The following OSBP2 variants were observed in gnomAD, a reference collection of about 807,000 sequenced individuals.
OSBP2 encodes the protein oxysterol-binding protein 2.
OSBP2 carries 66 observed loss-of-function variants against 96.0 expected under a neutral mutation model. That is an observed-to-expected ratio of 0.69 (90% CI 0.56 to 0.84). The LOEUF is 0.84. Ranked by LOEUF, OSBP2 falls within the 40% of genes least tolerant of loss-of-function variation. The pLI, the probability that OSBP2 is intolerant of heterozygous loss-of-function variation, is 0.00. For synonymous variants in OSBP2, 525 were observed against 520.9 expected (o/e 1.01, Z -0.11); for missense variants, 1,038 against 1,222.7 (o/e 0.85, Z 2.25).
intron 8 of OSBP2, among the ~76,000 whole-genome samples, 166 bp downstream of exon 8, chr22:30,891,139 G>A (rs2039939267): frequency 1.3e-5 from 2 of 152,266 alleles, no homozygotes; most frequent in South Asian, 4.1e-4. Flanking sequence ...GCCTTCCATG[G>A]CAGGGGCAGG....
Position 30,870,465 on chromosome 22 carries a change from C to T in OSBP2, c.890C>T (p.Ala297Val). The stretch of plus-strand genomic sequence containing the variant: ...GACGACGACGAGGCTACCACCCCAG[C>T]CGACAAGAGCGAGCTGCACCACACC... ...SGDDDEATTP[A>V]DKSELHHTLK... The change falls in exon 3 of 14, where the codon GCC becomes GTC. Residue 297 changes from alanine to valine, a missense_variant. Around this residue, in one of 3 missense-constraint regions of OSBP2, gnomAD observed 737 missense variants for 913.3 expected, o/e 0.81. Coordinates refer to ENST00000332585, the MANE Select transcript of OSBP2 (RefSeq NM_030758.4). This position sits in a 1 kb window ranked among gnomAD's most constrained non-coding sequence, Gnocchi z 4.1. 6.2e-7 allele frequency: 1 copy of T among 1,614,066 alleles called. No individual in the cohort carries two copies. Among genetic ancestry groups the T allele is most frequent in the Non-Finnish European group, 8.5e-7 (1 of 1,180,026 alleles).
chr22:30,803,608 GC>G (rs2090886097), intron 2 of OSBP2, among the ~76,000 whole-genome samples: 1 of 152,244 alleles, frequency 6.6e-6, no homozygotes, highest in Admixed American at 6.5e-5. Flanking sequence ...GGGAAGGCAA[GC>G]TTCAGCCTTC....
intron 3 of OSBP2, among the ~76,000 whole-genome samples, chr22:30,876,126 C>T (rs2039573251): frequency 6.6e-6 from 1 of 152,216 alleles, no homozygotes; most frequent in South Asian, 2.1e-4. Flanking sequence ...CTACAGAGGG[C>T]CGAGGCAGCA....
chr22:30,793,359 C>T (rs1164359248), intron 2 of OSBP2, among the ~76,000 whole-genome samples: 1 of 152,046 alleles, frequency 6.6e-6, no homozygotes, highest in Non-Finnish European at 1.5e-5. Context: ...CACTGCACTC[C>T]AGCCTGGGAA....
intron 2 of OSBP2, among the ~76,000 whole-genome samples, chr22:30,804,565 G>A (rs1460457576): frequency 1.3e-5 from 2 of 152,186 alleles, no homozygotes; most frequent in African/African-American, 4.8e-5. Context: ...TGCCAAGAAT[G>A]TGTTAGCATT....
At chr22:30,737,271 G>C (rs5753300) in intron 1 of OSBP2, among the ~76,000 whole-genome samples, 110,918 of 150,196 alleles carry the variant, frequency 0.74, 41,745 homozygotes, top group African/African-American at 0.88. Flanking sequence ...CAGCCTCGGC[G>C]TCCCAAAGTG....
intron 2 of OSBP2, among the ~76,000 whole-genome samples, chr22:30,808,091 G>T (rs1400472204): frequency 6.6e-6 from 1 of 152,134 alleles, no homozygotes; most frequent in East Asian, 1.9e-4. Context: ...TGCCCAGCCA[G>T]CCAAATTTTA....
intron 12 of OSBP2, among the ~76,000 whole-genome samples, chr22:30,895,378 T>G (rs902499423): frequency 1.3e-5 from 2 of 151,656 alleles, no homozygotes; most frequent in Non-Finnish European, 2.9e-5. Flanking sequence ...AGACAAGAAA[T>G]AAAGAAAAAT....
At chr22:30,703,742 C>G (rs1402789809) in intron 1 of OSBP2, among the ~76,000 whole-genome samples, 1 of 152,170 alleles carries the variant, frequency 6.6e-6, no homozygotes, top group Non-Finnish European at 1.5e-5. Flanking sequence ...TCCCAAAGTG[C>G]TGGCATTACA....
intron 2 of OSBP2, among the ~76,000 whole-genome samples, chr22:30,787,112 C>G (rs1209591321): frequency 1.3e-5 from 2 of 152,106 alleles, no homozygotes; most frequent in Non-Finnish European, 2.9e-5. Flanking sequence ...AAGGTCTTAC[C>G]AGTCAGATTC....
At chr22:30,757,106 C>G (rs2090151106) in intron 2 of OSBP2, among the ~76,000 whole-genome samples, 1 of 152,134 alleles carries the variant, frequency 6.6e-6, no homozygotes, top group South Asian at 2.1e-4. Flanking sequence ...TGATCAGTAC[C>G]TGTCCCCTTT....
At chr22:30,726,360 A>G (rs1316546246) in intron 1 of OSBP2, among the ~76,000 whole-genome samples, 1 of 152,230 alleles carries the variant, frequency 6.6e-6, no homozygotes, top group Non-Finnish European at 1.5e-5. Context: ...GGAAGCTATC[A>G]TTCTCAGCAT....
At chr22:30,694,864 C>T (rs1323497388), upstream of OSBP2, 2 of 946,950 alleles carry the variant, frequency 2.1e-6, no homozygotes, top group East Asian at 3.7e-5. Flanking sequence ...CCGGCCTGCC[C>T]CCCGCCCCCA....
chr22:30,763,215 T>C (rs926424645), intron 2 of OSBP2, among the ~76,000 whole-genome samples: 9 of 152,350 alleles, frequency 5.9e-5, no homozygotes, highest in African/African-American at 1.7e-4. Context: ...ATAGTCACTT[T>C]CGCAGCTTTA....
rs2089004375 is a variant in OSBP2, at chr22:30,695,170, G to C, written c.261G>C (p.Thr87=). The change falls in exon 1 of 14, where the codon ACG becomes ACC. Residue 87 remains threonine, a synonymous_variant. Transcript: ENST00000332585. The stretch of plus-strand genomic sequence containing the variant: ...GATCGGAACCTGTGTCCGAGACGAC[G>C]TCTGAGCCGGAGCCAGGGGCTGGGC... ...VPRSEPVSET[T]SEPEPGAGQP... is the part of the protein sequence containing the mutation. 6.2e-7 allele frequency: 1 copy of C among 1,611,710 alleles called. No individual in the cohort carries two copies. The highest frequency in any genetic ancestry group is 8.5e-7 in the Non-Finnish European group (1 of 1,178,742).
At chr22:30,855,004 G>A (rs2039053008) in intron 2 of OSBP2, among the ~76,000 whole-genome samples, 3 of 152,128 alleles carry the variant, frequency 2.0e-5, no homozygotes, top group South Asian at 2.1e-4. Flanking sequence ...AGATCGCGTG[G>A]GAACTGTCAC....
intron 2 of OSBP2, among the ~76,000 whole-genome samples, chr22:30,859,518 G>A (rs1387453662): frequency 6.6e-6 from 1 of 152,250 alleles, no homozygotes; most frequent in Non-Finnish European, 1.5e-5. Flanking sequence ...CAGGCCGTGT[G>A]GCGAGCCCGT....
At chr22:30,754,298 G>A (rs1487531668) in intron 2 of OSBP2, among the ~76,000 whole-genome samples, 13 of 152,126 alleles carry the variant, frequency 8.5e-5, no homozygotes, top group South Asian at 6.2e-4. Flanking sequence ...AGAAAGCAAC[G>A]CAATCCTGCA....
At chr22:30,725,623 A>G (rs2089636367) in intron 1 of OSBP2, among the ~76,000 whole-genome samples, 1 of 151,542 alleles carries the variant, frequency 6.6e-6, no homozygotes, top group African/African-American at 2.4e-5. Context: ...AGGGCAAGTG[A>G]TTTGTCCTTT....
Sources: allele counts gnomAD v4.1 joint callset (sites outside exome capture counted in the v4.1 genomes callset), GRCh38; gene constraint gnomAD v4.1.1; regional missense constraint gnomAD v4.1.1; non-coding constraint Gnocchi (gnomAD v3.1); transcripts MANE v1.5; gene names NCBI Gene and HGNC (gene_info 2026-07-23, HGNC 2026-07-21).